AKAP11: variants seen among roughly 807,000 people sequenced by gnomAD.
AKAP11 encodes A-kinase anchoring protein 11.
In AKAP11, 36 loss-of-function variants were observed where a neutral mutation model predicts 146.1. That is an observed-to-expected ratio of 0.25 (90% confidence interval 0.19 to 0.33). AKAP11 has a LOEUF of 0.33. AKAP11 is among the 10% of genes least tolerant of loss of function. AKAP11 has a pLI of 1.00. For missense variants in AKAP11, 2,201 were observed against 2,197.0 expected, an observed-to-expected ratio of 1.00 and a Z score of -0.04; for synonymous variants, 780 against 786.5, an observed-to-expected ratio of 0.99 and a Z score of 0.14.
At chr13:42,298,012 T>C (rs1959617700) in intron 6 of AKAP11, among the ~76,000 whole-genome samples, 1 of 152,084 alleles carries the variant, frequency 6.6e-6, no homozygotes, top group Admixed American at 6.6e-5. Flanking sequence ...ATCTGGTTAC[T>C]TGTATTTTTA....
intron 1 of AKAP11, among the ~76,000 whole-genome samples, chr13:42,273,259 C>T (rs1260132025): frequency 6.6e-6 from 1 of 151,818 alleles, no homozygotes; most frequent in Admixed American, 6.6e-5. Context: ...AATGGGGTAT[C>T]AGTAATGCAC....
chr13:42,295,107 C>T (rs571968590), intron 4 of AKAP11, among the ~76,000 whole-genome samples: 1 of 152,144 alleles, frequency 6.6e-6, no homozygotes, highest in South Asian at 2.1e-4. Context: ...GGAGTCTACC[C>T]AGGGGGAAGG....
At chr13:42,286,500 A>G (rs2138478459) in intron 3 of AKAP11, 101 bp downstream of exon 3, 1 of 779,130 alleles carries the variant, frequency 1.3e-6, no homozygotes. Context: ...AATGAATCTT[A>G]TTATTTGAAT....
intron 8 of AKAP11, among the ~76,000 whole-genome samples, chr13:42,305,016 G>A (rs1189303812): frequency 6.6e-6 from 1 of 152,166 alleles, no homozygotes; most frequent in African/African-American, 2.4e-5. Context: ...TTCCCAAAGT[G>A]CTGGGATCAC....
At position 42,295,750 on chromosome 13, in the gene AKAP11, GAATTTT is replaced by G; in HGVS notation, c.216+10_216+15del. 1 of 1,607,042 alleles carries G rather than the reference GAATTTT, an allele frequency of 6.2e-7. No homozygotes were observed. Among genetic ancestry groups the G allele is most frequent in the Non-Finnish European group, 8.5e-7 (1 of 1,177,838 alleles). On this transcript the variant is annotated intron_variant, in intron 5 of 12. Coordinates refer to ENST00000025301, the MANE Select transcript of AKAP11 (RefSeq NM_016248.4). ...GATGCTGCTCATATACAGGTATGGT[GAATTTT>G]AGCATTTTTACTGAGTATTCTTGTC...
Position 42,313,140 on chromosome 13 carries a change from G to C in AKAP11, c.5357+10G>C. ...TTCCAACATCAGACAGGTTGGTCCA[G>C]TCTAGAAACTTAAAAACTGATGAGT... On this transcript the variant is annotated intron_variant, in intron 10 of 12. Transcript: ENST00000025301. 6.3e-7 allele frequency: 1 copy of C among 1,597,354 alleles called. No homozygotes were observed. The highest frequency in any genetic ancestry group is 8.5e-7 in the Non-Finnish European group (1 of 1,171,350).
chr13:42,308,696 C>T (rs1219021536), intron 9 of AKAP11, 87 bp downstream of exon 9: 2 of 1,090,896 alleles, frequency 1.8e-6, no homozygotes, highest in Non-Finnish European at 2.5e-6. Context: ...TTTAAAAATT[C>T]TAAATTTGAA....
At chr13:42,287,778 G>T (rs569098107) in intron 3 of AKAP11, among the ~76,000 whole-genome samples, 4 of 152,098 alleles carry the variant, frequency 2.6e-5, no homozygotes, top group African/African-American at 9.6e-5. Context: ...TATACTGCTG[G>T]CTTTAAACTA....
chr13:42,282,858 G>A (rs1336494216), intron 1 of AKAP11, among the ~76,000 whole-genome samples: 2 of 152,110 alleles, frequency 1.3e-5, no homozygotes, highest in African/African-American at 2.4e-5. Flanking sequence ...TATAGATAAC[G>A]CACTTAGTTA....
intron 8 of AKAP11, among the ~76,000 whole-genome samples, chr13:42,307,602 C>A (rs1423595725): frequency 6.6e-6 from 1 of 151,300 alleles, no homozygotes; most frequent in Non-Finnish European, 1.5e-5. Flanking sequence ...GATTTCCAGG[C>A]CTAGGGGTGG....
chr13:42,304,335 C>T (rs983217813), intron 8 of AKAP11, among the ~76,000 whole-genome samples: 1 of 152,194 alleles, frequency 6.6e-6, no homozygotes, highest in African/African-American at 2.4e-5. Context: ...TGAATTACCC[C>T]TTTATCCAGT....
rs766597220 is a variant in AKAP11 at position 42,302,282 on chromosome 13, G to A, written c.3536G>A (p.Ser1179Asn). The A allele has an allele frequency of 6.8e-6, 11 of 1,614,188 alleles. No homozygotes were observed. In the South Asian group the frequency reaches 1.1e-4, roughly 16 times the overall value. The change falls in exon 8 of 13, where the codon AGT becomes AAT. Residue 1179 changes from serine to asparagine, a missense_variant. By Grantham distance (46) the Ser-to-Asn change is conservative. This residue lies in a region of AKAP11 where 1,867 missense variants were observed against 1,833.5 expected (regional missense o/e 1.02). Coordinates refer to ENST00000025301, the MANE Select transcript of AKAP11 (RefSeq NM_016248.4). Reference sequence around the variant, plus strand: ...TCTGAAGAAGTTGAGAGTAGTGAAAGTGGAGAGCTCCCAGAAGTGGATGTG... The same window carrying A: ...TCTGAAGAAGTTGAGAGTAGTGAAAATGGAGAGCTCCCAGAAGTGGATGTG... Reference protein sequence around the residue: ...SLSEEVESSESGELPEVDVKS... With the variant: ...SLSEEVESSENGELPEVDVKS...
chr13:42,283,941 C>T (rs1959113616), intron 1 of AKAP11, among the ~76,000 whole-genome samples: 2 of 152,106 alleles, frequency 1.3e-5, no homozygotes, highest in South Asian at 2.1e-4. Context: ...TAGATTGCTT[C>T]GTATTTCTAT....
Position 42,281,664 on chromosome 13 carries a change from A to G in AKAP11, c.-99-4322A>G, listed in dbSNP as rs183865667. Reference sequence around the variant, plus strand: ...AAATGAAACACCCATGATTGTATCTACCCAGATGAAACCAATGTCTGTACT... The same window carrying G: ...AAATGAAACACCCATGATTGTATCTGCCCAGATGAAACCAATGTCTGTACT... On this transcript the variant is annotated intron_variant, in intron 1 of 12. Coordinates refer to ENST00000025301, the MANE Select transcript of AKAP11 (RefSeq NM_016248.4). 3.3e-5 allele frequency among the ~76,000 whole-genome samples: 5 copies of G among 152,226 alleles called. No individual in the cohort carries two copies. In the East Asian group the frequency reaches 9.7e-4, roughly 29 times the overall value.
intron 1 of AKAP11, among the ~76,000 whole-genome samples, chr13:42,273,174 A>G (rs1291659742): frequency 6.6e-6 from 1 of 152,032 alleles, no homozygotes; most frequent in African/African-American, 2.4e-5. Context: ...GCTGCTTCCC[A>G]CTGTTTTAGA....
At chr13:42,286,497 C>A in intron 3 of AKAP11, 98 bp downstream of exon 3, 1 of 850,222 alleles carries the variant, frequency 1.2e-6, no homozygotes, top group Non-Finnish European at 1.8e-6. Context: ...TTAAATGAAT[C>A]TTATTATTTG....
At chr13:42,288,456 T>C (rs2138493581) in intron 3 of AKAP11, among the ~76,000 whole-genome samples, 1 of 152,342 alleles carries the variant, frequency 6.6e-6, no homozygotes, top group African/African-American at 2.4e-5. Context: ...CAAGTTATGA[T>C]CATAATGTTT....
At position 42,302,717 on chromosome 13, in the gene AKAP11, C is replaced by T. The variant is rs138847393; in HGVS notation, c.3971C>T (p.Pro1324Leu). ...GATCCGTTTATTCTTTCATTACCAC[C>T]AAGTTCTTGTATGTCAGGTCTGATG... ...EVDPFILSLP[P>L]SSCMSGLMYK... Residue 1324 changes from proline to leucine, a missense_variant, in exon 8 of 13, where the codon CCA (proline) becomes CTA (leucine). This residue lies in a region of AKAP11 where 1,867 missense variants were observed against 1,833.5 expected (regional missense o/e 1.02). Coordinates refer to ENST00000025301, the MANE Select transcript of AKAP11 (RefSeq NM_016248.4). 3 of 1,614,054 alleles carry T rather than the reference C, an allele frequency of 1.9e-6. No homozygotes were observed. Among genetic ancestry groups the T allele is most frequent in the Non-Finnish European group, 2.5e-6 (3 of 1,179,992 alleles).
rs112972375 is a variant in AKAP11, at chr13:42,301,701, T to C, written c.2955T>C (p.Ser985=). The C allele has an allele frequency of 6.2e-7, 1 of 1,614,154 alleles. No individual in the cohort carries two copies. The highest frequency in any genetic ancestry group is 8.5e-7 in the Non-Finnish European group (1 of 1,180,008). ...AATCACAGTTGACACCAGAAAAGTC[T>C]CCCAAATTTCCTGACTCTCAGAATC... ...GEESQLTPEK[S]PKFPDSQNQL... is the part of the protein sequence containing the mutation. Residue 985 remains serine (S), a synonymous_variant, in exon 8 of 13, where the codon TCT becomes TCC. Transcript: ENST00000025301.
Sources: allele counts gnomAD v4.1 joint callset (sites outside exome capture counted in the v4.1 genomes callset), GRCh38; gene constraint gnomAD v4.1.1; regional missense constraint gnomAD v4.1.1; transcripts MANE v1.5; gene names NCBI Gene and HGNC (gene_info 2026-07-23, HGNC 2026-07-21).